The following WDPCP variants were observed in gnomAD, a reference collection of about 807,000 sequenced individuals.
WDPCP encodes WD repeat-containing and planar cell polarity effector protein fritz homolog.
A neutral mutation model predicts 93.1 loss-of-function variants in WDPCP; 71 were observed. That is an observed-to-expected ratio of 0.76 (90% confidence interval 0.63 to 0.93). The LOEUF (loss-of-function observed/expected upper bound fraction) is 0.93. WDPCP is among the 40% of genes least tolerant of loss of function. The probability of loss-of-function intolerance (pLI) is 0.00; values close to 1 mark genes in which losing one functional copy is unlikely to be tolerated. For missense variants in WDPCP, 844 were observed against 887.4 expected, an observed-to-expected ratio of 0.95 and a Z score of 0.62; for synonymous variants, 315 against 315.0, an observed-to-expected ratio of 1.00 and a Z score of 0.00.
chr2:63,796,581 A>G (rs1302708501), intron 2 of WDPCP, among the ~76,000 whole-genome samples: 3 of 152,210 alleles, frequency 2.0e-5, no homozygotes, highest in Non-Finnish European at 4.4e-5. Flanking sequence ...TGACTGTGAA[A>G]CATTGCAATG....
chr2:63,167,203 CA>C (rs1318293843), intron 15 of WDPCP, among the ~76,000 whole-genome samples: 1 of 152,160 alleles, frequency 6.6e-6, no homozygotes, highest in Non-Finnish European at 1.5e-5. Context: ...CAGCAGAGAA[CA>C]TATGGTCCAT....
intron 2 of WDPCP, among the ~76,000 whole-genome samples, chr2:63,728,840 G>A (rs770425344): frequency 6.6e-6 from 1 of 152,128 alleles, no homozygotes; most frequent in Non-Finnish European, 1.5e-5. Context: ...TCATGAACAT[G>A]AACTGAAAAT....
At chr2:63,717,143 C>T in intron 2 of WDPCP, 1 of 381,160 alleles carries the variant, frequency 2.6e-6, no homozygotes, top group Non-Finnish European at 5.0e-6. Context: ...CTCACTGTTG[C>T]CACCTGACTC....
intron 2 of WDPCP, among the ~76,000 whole-genome samples, chr2:63,702,602 G>A (rs1019832128): frequency 2.0e-5 from 3 of 150,470 alleles, no homozygotes; most frequent in Non-Finnish European, 4.4e-5. Flanking sequence ...GCATTGGCGC[G>A]ATTTCGGCTC....
chr2:63,554,942 C>G (rs1420697201), intron 1 of WDPCP, among the ~76,000 whole-genome samples: 11 of 152,124 alleles, frequency 7.2e-5, no homozygotes, highest in Admixed American at 7.2e-4. Context: ...GCTACCCTGC[C>G]CAAGAAACCA....
At chr2:63,525,363 T>C (rs890674150) in intron 1 of WDPCP, among the ~76,000 whole-genome samples, 1 of 152,114 alleles carries the variant, frequency 6.6e-6, no homozygotes, top group Non-Finnish European at 1.5e-5. Context: ...TTTACCTATA[T>C]AACAAACCTG....
intron 9 of WDPCP, among the ~76,000 whole-genome samples, chr2:63,426,436 T>C (rs1421797317): frequency 6.6e-6 from 1 of 152,186 alleles, no homozygotes; most frequent in Non-Finnish European, 1.5e-5. Flanking sequence ...AAGAATTTCA[T>C]ATCTCACCAA....
chr2:63,544,585 C>A (rs949107363), intron 1 of WDPCP, among the ~76,000 whole-genome samples: 10 of 152,134 alleles, frequency 6.6e-5, no homozygotes, highest in African/African-American at 1.9e-4. Context: ...AGGTGGCCTA[C>A]CATTTTCATG....
intron 1 of WDPCP, among the ~76,000 whole-genome samples, chr2:63,550,743 G>A (rs1403129312): frequency 6.8e-6 from 1 of 147,472 alleles, no homozygotes; most frequent in Non-Finnish European, 1.5e-5. Flanking sequence ...ATGTGCATAT[G>A]TATGTGTATA....
At chr2:63,794,505 G>A (rs1670588389) in intron 2 of WDPCP, among the ~76,000 whole-genome samples, 1 of 152,184 alleles carries the variant, frequency 6.6e-6, no homozygotes, top group African/African-American at 2.4e-5. Flanking sequence ...CTTAAAAAGG[G>A]ATGGCATTTT....
chr2:63,163,923 G>A (rs935777312), intron 15 of WDPCP, among the ~76,000 whole-genome samples: 1 of 152,058 alleles, frequency 6.6e-6, no homozygotes, highest in Non-Finnish European at 1.5e-5. Context: ...ATAAAATCAC[G>A]CCAAAATTTA....
intron 2 of WDPCP, among the ~76,000 whole-genome samples, chr2:63,798,900 AAAAC>A (rs1670652566): frequency 2.0e-5 from 3 of 152,162 alleles, no homozygotes; most frequent in Admixed American, 1.3e-4. Context: ...CATGCCAATT[AAAAC>A]AAACAAACAG....
intron 12 of WDPCP, among the ~76,000 whole-genome samples, chr2:63,340,896 T>C (rs1688788990): frequency 6.6e-6 from 1 of 152,180 alleles, no homozygotes; most frequent in Non-Finnish European, 1.5e-5. Flanking sequence ...AATGTAGGCA[T>C]TTACCACTAT....
At chr2:63,695,614 C>T (rs1327552557) in intron 2 of WDPCP, among the ~76,000 whole-genome samples, 2 of 152,122 alleles carry the variant, frequency 1.3e-5, no homozygotes, top group Non-Finnish European at 2.9e-5. Flanking sequence ...TCCTTGGGCT[C>T]TTTTGGTTTA....
At chr2:63,176,710 A>G (rs2104029050) in intron 14 of WDPCP, among the ~76,000 whole-genome samples, 1 of 152,234 alleles carries the variant, frequency 6.6e-6, no homozygotes, top group East Asian at 1.9e-4. Flanking sequence ...CTTTATTGGT[A>G]CTTTATTGTG....
intron 14 of WDPCP, among the ~76,000 whole-genome samples, chr2:63,253,769 T>C (rs996252759): frequency 1.3e-5 from 2 of 152,148 alleles, no homozygotes; most frequent in Non-Finnish European, 2.9e-5. Flanking sequence ...GAAAAGGGAA[T>C]GCTTATACAC....
Position 63,292,975 on chromosome 2 carries a change from G to C in WDPCP, c.1812+20273C>G, listed in dbSNP as rs576921082. On this transcript the variant is annotated intron_variant, in intron 13 of 17. Coordinates refer to ENST00000272321, the MANE Select transcript of WDPCP (RefSeq NM_015910.7). ...TGCACACCTTCCAGAGCAGCTGGTG[G>C]TCAGCTGTCTGGAACGAGGGTGAGC... 3.3e-5 allele frequency among the ~76,000 whole-genome samples: 5 copies of C among 152,298 alleles called. No individual in the cohort carries two copies. In the South Asian group the frequency reaches 1.0e-3, roughly 32 times the overall value.
chr2:63,494,523 T>C (rs1380703410), intron 1 of WDPCP, among the ~76,000 whole-genome samples: 1 of 152,088 alleles, frequency 6.6e-6, no homozygotes, highest in African/African-American at 2.4e-5. Flanking sequence ...AGGCTTTGGA[T>C]CTACACAGAC....
intron 1 of WDPCP, among the ~76,000 whole-genome samples, chr2:63,825,972 G>T (rs1335577810): frequency 1.3e-5 from 2 of 152,054 alleles, no homozygotes; most frequent in Non-Finnish European, 2.9e-5. Flanking sequence ...TAAATGGAAA[G>T]TTACAGTCCT....
Sources: gnomAD v4.1 joint callset for allele counts (sites outside exome capture counted in the v4.1 genomes callset) on GRCh38, gnomAD v4.1.1 for gene constraint, MANE v1.5 for transcripts, NCBI Gene and HGNC (gene_info 2026-07-23, HGNC 2026-07-21) for gene names.